RSRP1: variants seen among roughly 807,000 people sequenced by gnomAD.
The protein encoded by RSRP1 is arginine and serine rich protein 1.
In RSRP1, 37 loss-of-function variants were observed where a neutral mutation model predicts 33.0. The observed-to-expected ratio is 1.12, with a 90% CI of 0.86 to 1.48. RSRP1 has a LOEUF of 1.48. RSRP1 is among the 40% of genes most tolerant of loss of function. The pLI is 0.00. For synonymous variants in RSRP1, 167 were observed against 158.7 expected (o/e 1.05, Z -0.40); for missense variants, 402 against 385.3 (o/e 1.04, Z -0.36).
In RSRP1 at chr1:25,321,190, G is replaced by T. The variant is rs1204669691; in HGVS notation, c.-67+16788C>A. On this transcript the variant is annotated intron_variant, in intron 1 of 1. Transcript: ENST00000561867. ...GAGTTGACTGGAGCCAGAGAAGACA[G>T]ACCTATAGGAGCACCCAATTGGAGT... 3.1e-5 allele frequency among the ~76,000 whole-genome samples: 4 copies of T among 129,784 alleles called. 1 individual carries two copies. The highest frequency in any genetic ancestry group is 7.3e-5 in the Non-Finnish European group (4 of 54,908). 85.1% of individuals were successfully genotyped at this position (129,784 alleles called of 152,430 possible).
In RSRP1 at chr1:25,302,252, T is replaced by C. The variant is rs548374327; in HGVS notation, c.-67+35726A>G. Among the ~76,000 whole-genome samples, 5 of 128,934 alleles carry C rather than the reference T, an allele frequency of 3.9e-5. 1 individual carries two copies. The highest frequency in any genetic ancestry group is 1.4e-4 in the African/African-American group (5 of 36,784). The allele number at this position is 128,934 out of a possible 152,430, so 84.6% of individuals were successfully genotyped here. A position where few individuals can be genotyped will look rare whatever the true frequency, so the allele number is the denominator to read the frequency against. On this transcript the variant is annotated intron_variant, in intron 1 of 1. Coordinates refer to the RSRP1 transcript ENST00000561867. ...TGCTGCTATTAGTAAAGAGAGACGATGGTGTGTGTGAGTCTTGTGGGCAGA... is the reference window on the plus strand; with the variant it reads ...TGCTGCTATTAGTAAAGAGAGACGACGGTGTGTGTGAGTCTTGTGGGCAGA...
chr1:25,334,438 T>C (rs1464779819), intron 1 of RSRP1, among the ~76,000 whole-genome samples: 2 of 131,690 alleles, frequency 1.5e-5, no homozygotes, highest in African/African-American at 5.2e-5. Context: ...TGGGCTGGCA[T>C]TGAGTGTCTG....
intron 1 of RSRP1, among the ~76,000 whole-genome samples, chr1:25,254,960 G>A (rs1267385319): frequency 6.6e-6 from 1 of 152,182 alleles, no homozygotes; most frequent in Non-Finnish European, 1.5e-5. Flanking sequence ...TGTATTGCTT[G>A]AGGACTGGTC....
chr1:25,244,275 C>G (rs1481001082), intron 3 of RSRP1: 1 of 1,288,780 alleles, frequency 7.8e-7, no homozygotes, highest in Non-Finnish European at 1.0e-6. Flanking sequence ...CACAGATGCC[C>G]CACCGTTACA....
rs1274868595 is a variant in RSRP1, at chr1:25,310,790, G to A, written c.-67+27188C>T. Reference sequence around the variant, plus strand: ...AGTTCGAGACCAGCCTAGCTAACATGGTGAAACGCTGTTTCTACCAAAAAT... The same window carrying A: ...AGTTCGAGACCAGCCTAGCTAACATAGTGAAACGCTGTTTCTACCAAAAAT... On this transcript the variant is annotated intron_variant, in intron 1 of 1. Coordinates refer to the RSRP1 transcript ENST00000561867. Among the ~76,000 whole-genome samples, 2 of 131,968 alleles carry A rather than the reference G, an allele frequency of 1.5e-5. 1 individual carries two copies. Among genetic ancestry groups the A allele is most frequent in the Non-Finnish European group, 3.6e-5 (2 of 55,626 alleles). The allele number at this position is 131,968 out of a possible 152,430, so 86.6% of individuals were successfully genotyped here. A position where few individuals can be genotyped will look rare whatever the true frequency, so the allele number is the denominator to read the frequency against.
At chr1:25,253,090 A>T (rs939821716) in intron 1 of RSRP1, 4 of 146,160 alleles carry the variant, frequency 2.7e-5, no homozygotes, top group African/African-American at 5.1e-5. Flanking sequence ...CTTTTACTCC[A>T]CAAGAAGGGG....
At position 25,242,714 on chromosome 1, in the gene RSRP1, G is replaced by C. The variant is rs757349442; in HGVS notation, c.757-9C>G. ...GGCTTTGCTACAGAATTCTGTAAAA[G>C]AACAAATTCAGTCAGCTTCCCAAAC... On this transcript the variant is annotated splice_polypyrimidine_tract_variant and intron_variant, in intron 4 of 4. Coordinates refer to ENST00000243189, the MANE Select transcript of RSRP1 (RefSeq NM_020317.5). 1 of 1,560,862 alleles carries C rather than the reference G, an allele frequency of 6.4e-7. No homozygotes were observed. Among genetic ancestry groups the C allele is most frequent in the Non-Finnish European group, 8.7e-7 (1 of 1,145,810 alleles).
At chr1:25,264,105 G>A (rs1388535562) in intron 1 of RSRP1, among the ~76,000 whole-genome samples, 1 of 151,950 alleles carries the variant, frequency 6.6e-6, no homozygotes, top group Admixed American at 6.5e-5. Flanking sequence ...GCTTTCATGG[G>A]CTGGCATTGA....
rs538917984 is a variant in RSRP1 at position 25,291,797 on chromosome 1, G to T, written c.-66-44768C>A. ...AATTTGAAGGCAGCTGTGAAGGTAA[G>T]GCCAATCCAAATGGCTCTCCCAGAT... On this transcript the variant is annotated intron_variant, in intron 1 of 1. Transcript: ENST00000561867. Among the ~76,000 whole-genome samples the T allele has an allele frequency of 5.3e-5, 7 of 132,518 alleles. 2 individuals are homozygous for T. The highest frequency in any genetic ancestry group is 5.1e-4 in the Admixed American group (7 of 13,622). The allele number at this position is 132,518 out of a possible 152,430, so 86.9% of individuals were successfully genotyped here.
rs1289796506 is a variant in RSRP1 at position 25,267,786 on chromosome 1, C to T, written c.-66-20757G>A. ...GGCCAACGGACGCCTTCCTTTAGAA[C>T]GCTCAGCACACAGAGCAACTTCTCA... On this transcript the variant is annotated intron_variant, in intron 1 of 1. Transcript: ENST00000561867. 1.5e-5 allele frequency: 2 copies of T among 131,540 alleles called. 1 individual carries two copies. Among genetic ancestry groups the T allele is most frequent in the African/African-American group, 5.2e-5 (2 of 38,496 alleles). 8.1% of individuals were successfully genotyped at this position (131,540 alleles called of 1,614,324 possible).
chr1:25,312,286 T>C (rs1345935166), intron 1 of RSRP1, among the ~76,000 whole-genome samples: 9 of 101,170 alleles, frequency 8.9e-5, no homozygotes, highest in Admixed American at 8.8e-4. Context: ...GTCCTATGCC[T>C]GTTCCACTGT....
At chr1:25,284,817 A>G in intron 1 of RSRP1, 1 of 1,329,492 alleles carries the variant, frequency 7.5e-7, no homozygotes, top group African/African-American at 1.4e-5. Flanking sequence ...CCCCGAAAGG[A>G]CAGGTTCCAG....
upstream of RSRP1, among the ~76,000 whole-genome samples, chr1:25,249,785 A>C (rs1004648243): frequency 6.6e-6 from 1 of 152,230 alleles, no homozygotes; most frequent in Admixed American, 6.5e-5. Context: ...TTCTCTAAAC[A>C]GTATATATTC....
chr1:25,309,628 A>G (rs1379681331), intron 1 of RSRP1, among the ~76,000 whole-genome samples: 2 of 132,304 alleles, frequency 1.5e-5, no homozygotes, highest in African/African-American at 5.2e-5. Context: ...TTGTCCTCAA[A>G]TGCTGAAATC....
At position 25,253,144 on chromosome 1, in the gene RSRP1, G is replaced by A. The variant is rs560840635; in HGVS notation, c.-66-6115C>T. 5 of 152,092 alleles carry A rather than the reference G, an allele frequency of 3.3e-5. No homozygotes were observed. In the East Asian group the frequency reaches 9.7e-4, roughly 29 times the overall value. 9.4% of individuals were successfully genotyped at this position (152,092 alleles called of 1,614,324 possible). Reference sequence around the variant, plus strand: ...GCTGGTCTCGACCTCTTGACTTCAGGGGATCTGTCCACTTTGGCTTCCCAA... The same window carrying A: ...GCTGGTCTCGACCTCTTGACTTCAGAGGATCTGTCCACTTTGGCTTCCCAA... On this transcript the variant is annotated intron_variant, in intron 1 of 1. Transcript: ENST00000561867.
chr1:25,257,597 AT>A (rs71712758), intron 1 of RSRP1, among the ~76,000 whole-genome samples: 3,169 of 131,186 alleles, frequency 0.024, 60 homozygotes, highest in African/African-American at 0.067. Context: ...GGAGATGCAG[AT>A]TTTTTTTTTT....
upstream of RSRP1, among the ~76,000 whole-genome samples, chr1:25,250,187 T>C (rs575771641): frequency 3.4e-4 from 51 of 152,238 alleles, no homozygotes; most frequent in African/African-American, 1.2e-3. Flanking sequence ...CAGTTCCAGG[T>C]ACAGGGGCTT....
At chr1:25,321,802 C>T (rs1314256132) in intron 1 of RSRP1, 2 of 706,996 alleles carry the variant, frequency 2.8e-6, no homozygotes, top group African/African-American at 1.7e-5. Context: ...GAGATACTGT[C>T]GTTTTGACAC....
chr1:25,242,549 G>T lies in RSRP1; in HGVS notation c.*40C>A. On this transcript the variant is annotated 3_prime_UTR_variant, in exon 5 of 5. Coordinates refer to ENST00000243189, the MANE Select transcript of RSRP1 (RefSeq NM_020317.5). ...GCTAGAAACACTAACTTGCAATAAA[G>T]TGCAGTTTTCATGCAAACTTAGCCA... The T allele has an allele frequency of 8.0e-7, 1 of 1,242,866 alleles. No homozygotes were observed. The highest frequency in any genetic ancestry group is 1.2e-6 in the Non-Finnish European group (1 of 856,568). 77.0% of individuals were successfully genotyped at this position (1,242,866 alleles called of 1,614,324 possible). A position where few individuals can be genotyped will look rare whatever the true frequency, so the allele number is the denominator to read the frequency against.
Sources: allele counts gnomAD v4.1 joint callset (sites outside exome capture counted in the v4.1 genomes callset), GRCh38; gene constraint gnomAD v4.1.1; transcripts MANE v1.5; gene names NCBI Gene and HGNC (gene_info 2026-07-23, HGNC 2026-07-21).